The following BCKDHB variants were observed in gnomAD, a reference collection of about 807,000 sequenced individuals.
The protein encoded by BCKDHB is 2-oxoisovalerate dehydrogenase subunit beta, mitochondrial.
A neutral mutation model predicts 48.5 loss-of-function variants in BCKDHB; 41 were observed. That is an observed-to-expected ratio of 0.85 (90% CI 0.66 to 1.10). BCKDHB has a LOEUF of 1.10. BCKDHB is among the 50% of genes least tolerant of loss of function. BCKDHB has a pLI of 0.00. For synonymous variants in BCKDHB, 201 were observed against 174.8 expected (o/e 1.15, Z -1.18); for missense variants, 496 against 494.2 (o/e 1.00, Z -0.03).
chr6:80,129,103 T>C, intron 2 of BCKDHB, 58 bp from the exon 3 acceptor site: 1 of 1,211,810 alleles, frequency 8.3e-7, no homozygotes. Context: ...TATTTCTCAT[T>C]GTTAGTATTA....
intron 6 of BCKDHB, among the ~76,000 whole-genome samples, chr6:80,199,771 CAAAAAAA>C (rs35186066): frequency 2.0e-4 from 7 of 35,742 alleles, no homozygotes; most frequent in Non-Finnish European, 2.8e-4. Context: ...GACTCTGTCT[CAAAAAAA>C]AAAAAAAAAA....
chr6:80,428,747 G>A, the BCKDHB span, among the ~76,000 whole-genome samples: 1 of 152,006 alleles, frequency 6.6e-6, no homozygotes, highest in African/African-American at 2.4e-5. Context: ...ATTTGTTTAA[G>A]TTCTTTGTAG....
At chr6:80,354,855 A>G in the BCKDHB span, among the ~76,000 whole-genome samples, 1 of 152,102 alleles carries the variant, frequency 6.6e-6, no homozygotes, top group Non-Finnish European at 1.5e-5. Flanking sequence ...CTGTTCCATT[A>G]ATCTATGTGT....
intron 3 of BCKDHB, among the ~76,000 whole-genome samples, chr6:80,157,649 T>A (rs2127761742): frequency 6.6e-6 from 1 of 151,498 alleles, no homozygotes; most frequent in Admixed American, 6.6e-5. Context: ...TTTGTATTTT[T>A]TTTTTTTTAA....
the BCKDHB span, among the ~76,000 whole-genome samples, chr6:80,393,571 G>A: frequency 6.6e-6 from 1 of 152,152 alleles, no homozygotes; most frequent in Non-Finnish European, 1.5e-5. Flanking sequence ...CCAGAACCAT[G>A]AGCAACAAAT....
chr6:80,358,646 C>T, the BCKDHB span, among the ~76,000 whole-genome samples: 2 of 152,146 alleles, frequency 1.3e-5, no homozygotes, highest in East Asian at 3.9e-4. Context: ...TGTATGATTC[C>T]TTTCATATGA....
At chr6:80,393,202 G>A in the BCKDHB span, among the ~76,000 whole-genome samples, 145,372 of 152,224 alleles carry the variant, frequency 0.95, 69,788 homozygotes, top group Middle Eastern at 1. Context: ...TTTTGATATA[G>A]CTATCACTAA....
chr6:80,306,831 G>C (rs1767903527), intron 9 of BCKDHB, among the ~76,000 whole-genome samples: 1 of 152,142 alleles, frequency 6.6e-6, no homozygotes, highest in Non-Finnish European at 1.5e-5. Flanking sequence ...GTGGAAGTTG[G>C]CTTGATGCCT....
the BCKDHB span, among the ~76,000 whole-genome samples, chr6:80,352,153 T>G: frequency 6.0e-5 from 9 of 149,208 alleles, no homozygotes; most frequent in African/African-American, 2.2e-4. Flanking sequence ...TTGTTGTTGT[T>G]TTTTTTTTGG....
intron 8 of BCKDHB, among the ~76,000 whole-genome samples, chr6:80,209,025 T>A (rs1398088102): frequency 2.0e-5 from 3 of 151,844 alleles, no homozygotes; most frequent in East Asian, 1.9e-4. Flanking sequence ...ACAAAGCAGT[T>A]GATACAATTC....
chr6:80,151,636 A>C (rs1433284052), intron 3 of BCKDHB, among the ~76,000 whole-genome samples: 1 of 152,078 alleles, frequency 6.6e-6, no homozygotes, highest in Non-Finnish European at 1.5e-5. Context: ...TTCTTTTATT[A>C]ATAGGTCCTC....
chr6:80,432,387 T>A, the BCKDHB span, among the ~76,000 whole-genome samples: 1 of 152,160 alleles, frequency 6.6e-6, no homozygotes, highest in Non-Finnish European at 1.5e-5. Context: ...TCCTTTTTAT[T>A]CTTTTTTCTC....
chr6:80,445,581 A>G, the BCKDHB span, among the ~76,000 whole-genome samples: 3 of 152,070 alleles, frequency 2.0e-5, no homozygotes, highest in Non-Finnish European at 4.4e-5. Context: ...ATATTTCAAC[A>G]CTCCATAGAA....
Position 80,273,160 on chromosome 6 carries a change from T to C in BCKDHB, c.977T>C (p.Leu326Pro). 1 of 1,613,624 alleles carries C rather than the reference T, an allele frequency of 6.2e-7. No individual in the cohort carries two copies. Among genetic ancestry groups the C allele is most frequent in the Non-Finnish European group, 8.5e-7 (1 of 1,179,674 alleles). The stretch of plus-strand genomic sequence containing the variant: ...TCTGTGATCAAAACAGGGCGACTGC[T>C]AATCAGTCACGAGGCTCCCTTGACA... ...CKSVIKTGRL[L>P]ISHEAPLTGG... is the part of the protein sequence containing the mutation. Residue 326 changes from leucine (L) to proline (P), a missense_variant, in exon 9 of 10, where the codon CTA (leucine) becomes CCA (proline). Leu to Pro is a moderately conservative substitution (Grantham distance 98). Coordinates refer to ENST00000320393, the MANE Select transcript of BCKDHB (RefSeq NM_183050.4).
the BCKDHB span, among the ~76,000 whole-genome samples, chr6:80,410,373 C>T: frequency 6.6e-6 from 1 of 152,140 alleles, no homozygotes. Context: ...TCTGGCTGCC[C>T]TTAACATTGT....
intron 8 of BCKDHB, among the ~76,000 whole-genome samples, chr6:80,267,116 A>G (rs1052838144): frequency 2.0e-5 from 3 of 151,982 alleles, no homozygotes; most frequent in Admixed American, 6.6e-5. Context: ...TCTATTTGCC[A>G]TGTGCTGTGT....
At chr6:80,159,912 G>A (rs749070894) in intron 3 of BCKDHB, among the ~76,000 whole-genome samples, 7 of 152,172 alleles carry the variant, frequency 4.6e-5, no homozygotes, top group Non-Finnish European at 8.8e-5. Context: ...AGGTCCTGAG[G>A]AAACACAACT....
chr6:80,229,797 C>T (rs1775832127), intron 8 of BCKDHB, among the ~76,000 whole-genome samples: 2 of 151,404 alleles, frequency 1.3e-5, no homozygotes, highest in African/African-American at 4.9e-5. Flanking sequence ...AAGAAATAGC[C>T]AGAAATGGAA....
chr6:80,453,618 T>A, the BCKDHB span, among the ~76,000 whole-genome samples: 3 of 152,154 alleles, frequency 2.0e-5, no homozygotes, highest in Non-Finnish European at 2.9e-5. Context: ...TGACTGTTTA[T>A]GATATTATAT....
Sources: allele counts gnomAD v4.1 joint callset (sites outside exome capture counted in the v4.1 genomes callset), GRCh38; gene constraint gnomAD v4.1.1; transcripts MANE v1.5; gene names NCBI Gene and HGNC (gene_info 2026-07-23, HGNC 2026-07-21).